CYB5B: variants seen among roughly 807,000 people sequenced by gnomAD.
The protein encoded by CYB5B is cytochrome b5 type B (outer mitochondrial membrane).
A neutral mutation model predicts 21.3 loss-of-function variants in CYB5B; 14 were observed. The ratio of observed to expected loss-of-function variants is 0.66; its 90% CI spans 0.43 to 1.03. The LOEUF is 1.03. CYB5B is among the 50% of genes least tolerant of loss of function. The pLI is 0.00. For missense variants in CYB5B, 166 were observed against 185.1 expected (o/e 0.90, Z 0.60); for synonymous variants, 69 against 68.4 (o/e 1.01, Z -0.04).
intron 3 of CYB5B, among the ~76,000 whole-genome samples, chr16:69,458,162 C>T: frequency 6.6e-6 from 1 of 152,064 alleles, no homozygotes; most frequent in Non-Finnish European, 1.5e-5. Context: ...ATTCACATAC[C>T]ATACAGTTTA....
At chr16:69,439,568 A>T (rs2014798426) in intron 1 of CYB5B, among the ~76,000 whole-genome samples, 1 of 151,688 alleles carries the variant, frequency 6.6e-6, no homozygotes, top group African/African-American at 2.4e-5. Context: ...AACAGCATGA[A>T]ATCTACCATC....
intron 3 of CYB5B, among the ~76,000 whole-genome samples, chr16:69,453,944 C>T (rs1044087887): frequency 6.6e-6 from 1 of 152,174 alleles, no homozygotes; most frequent in Non-Finnish European, 1.5e-5. Context: ...GACAAAATTA[C>T]TCCTGAAAGA....
At chr16:69,436,152 G>T (rs557039118) in intron 1 of CYB5B, among the ~76,000 whole-genome samples, 7 of 152,208 alleles carry the variant, frequency 4.6e-5, no homozygotes, top group Non-Finnish European at 1.0e-4. Context: ...TGAGCAGTGT[G>T]TGTGCTCACT....
chr16:69,456,356 G>A (rs2014983958), intron 3 of CYB5B, among the ~76,000 whole-genome samples: 1 of 152,132 alleles, frequency 6.6e-6, no homozygotes, highest in Admixed American at 6.5e-5. Context: ...CCTTGAACTT[G>A]AGGAACCAGT....
chr16:69,438,430 A>C (rs1036340304), intron 1 of CYB5B, among the ~76,000 whole-genome samples: 1 of 152,194 alleles, frequency 6.6e-6, no homozygotes, highest in Non-Finnish European at 1.5e-5. Flanking sequence ...TTGTTGGGTC[A>C]TATGGAAATT....
intron 1 of CYB5B, among the ~76,000 whole-genome samples, chr16:69,446,482 AT>A (rs1198050130): frequency 6.6e-6 from 1 of 152,010 alleles, no homozygotes; most frequent in East Asian, 1.9e-4. Flanking sequence ...CACCACCACC[AT>A]GCCTGGCACT....
At chr16:69,457,797 A>G (rs747659753) in intron 3 of CYB5B, among the ~76,000 whole-genome samples, 5 of 152,134 alleles carry the variant, frequency 3.3e-5, no homozygotes, top group Non-Finnish European at 5.9e-5. Flanking sequence ...AATTTCTTTC[A>G]GGTTTGGGGC....
chr16:69,449,584 G>T (rs1247210098), intron 3 of CYB5B: 1 of 152,178 alleles, frequency 6.6e-6, no homozygotes, highest in East Asian at 1.9e-4. Context: ...TTTCTTGGTA[G>T]TACAGTTAGG....
intron 4 of CYB5B, among the ~76,000 whole-genome samples, chr16:69,461,104 C>T (rs2015031533): frequency 6.6e-6 from 1 of 151,910 alleles, no homozygotes; most frequent in South Asian, 2.1e-4. Context: ...CGAGGACGGG[C>T]TGAGACAGAA....
At chr16:69,459,069 A>AT (rs1270764989) in intron 3 of CYB5B, 24 bp from the exon 4 acceptor site, 3 of 1,208,520 alleles carry the variant, frequency 2.5e-6, no homozygotes, top group Non-Finnish European at 3.4e-6. Context: ...GTTATTTTTG[A>AT]ATTTTTTTTT....
intron 1 of CYB5B, among the ~76,000 whole-genome samples, chr16:69,434,746 C>G (rs1481283053): frequency 6.6e-6 from 1 of 151,876 alleles, no homozygotes; most frequent in East Asian, 1.9e-4. Flanking sequence ...GCCTGTAGTC[C>G]CAGCTACTTG....
intron 3 of CYB5B, among the ~76,000 whole-genome samples, chr16:69,451,253 T>A (rs1035814266): frequency 6.6e-6 from 1 of 152,182 alleles, no homozygotes; most frequent in Non-Finnish European, 1.5e-5. Context: ...TTCTGGTTTG[T>A]TTTTGGTTAC....
At chr16:69,458,955 C>T (rs2015006634) in intron 3 of CYB5B, 138 bp from the exon 4 acceptor site, 3 of 718,082 alleles carry the variant, frequency 4.2e-6, no homozygotes, top group Non-Finnish European at 6.5e-6. Context: ...TATTTGTAAA[C>T]ACCAAAATGC....
chr16:69,424,676 G>A lies in CYB5B; in HGVS notation c.-8G>A. On this transcript the variant is annotated 5_prime_UTR_variant, in exon 1 of 5. Transcript: ENST00000307892. ...TCGCGGAATCTCAGTTAGCGGTGGA[G>A]AGGCAGTATGTCCGGTTCAATGGCG... The A allele has an allele frequency of 7.8e-6, 12 of 1,544,382 alleles. No individual in the cohort carries two copies. Among genetic ancestry groups the A allele is most frequent in the Non-Finnish European group, 9.6e-6 (11 of 1,144,902 alleles).
At chr16:69,452,565 G>C (rs1424676690) in intron 3 of CYB5B, among the ~76,000 whole-genome samples, 1 of 152,090 alleles carries the variant, frequency 6.6e-6, no homozygotes, top group Non-Finnish European at 1.5e-5. Context: ...AGCTACATGG[G>C]AGGATGAGGC....
chr16:69,445,696 GCTCATA>G (rs1442001620), intron 1 of CYB5B, among the ~76,000 whole-genome samples: 1 of 152,166 alleles, frequency 6.6e-6, no homozygotes, highest in African/African-American at 2.4e-5. Context: ...GGGCATGGTG[GCTCATA>G]CCTTTAATCC....
At chr16:69,459,511 GTGCTATTATTACATA>G (rs2015013356) in intron 4 of CYB5B, 1 of 165,832 alleles carries the variant, frequency 6.0e-6, no homozygotes. Flanking sequence ...TGTAAGGTAA[GTGCTATTATTACATA>G]TTGCAGGAGA....
intron 1 of CYB5B, among the ~76,000 whole-genome samples, chr16:69,434,576 G>A (rs2014740206): frequency 1.3e-5 from 2 of 152,090 alleles, no homozygotes; most frequent in Admixed American, 6.6e-5. Context: ...TCTAATGGGT[G>A]TGTGGTTGGC....
rs765804282 is a variant in CYB5B, at chr16:69,462,658, C to T, written c.*138C>T. On this transcript the variant is annotated 3_prime_UTR_variant, in exon 5 of 5. Transcript: ENST00000307892. ...CTTGGAGCCAAGACGATTGGCCAGA[C>T]ATCACCTCAGATCTGAGACCAGCGT... 8.6e-6 allele frequency: 6 copies of T among 694,146 alleles called. No homozygotes were observed. Among genetic ancestry groups the T allele is most frequent in the Non-Finnish European group, 1.5e-5 (6 of 392,914 alleles). The allele number at this position is 694,146 out of a possible 1,614,324, so 43.0% of individuals were successfully genotyped here.
Sources: gnomAD v4.1 joint callset for allele counts (sites outside exome capture counted in the v4.1 genomes callset) on GRCh38, gnomAD v4.1.1 for gene constraint, MANE v1.5 for transcripts, NCBI Gene and HGNC (gene_info 2026-07-23, HGNC 2026-07-21) for gene names.